THSD7B: variants seen among roughly 807,000 people sequenced by gnomAD.
The protein encoded by THSD7B is thrombospondin type 1 domain containing 7B.
In THSD7B, 138 loss-of-function variants were observed where a neutral mutation model predicts 213.6. The observed-to-expected ratio is 0.65, with a 90% confidence interval of 0.56 to 0.74. The LOEUF is 0.74. THSD7B is among the 30% of genes least tolerant of loss of function. The pLI is 0.00. For missense variants in THSD7B, 1,931 were observed against 1,991.5 expected, an observed-to-expected ratio of 0.97 and a Z score of 0.58; for synonymous variants, 742 against 687.0, an observed-to-expected ratio of 1.08 and a Z score of -1.25.
intron 15 of THSD7B, chr2:137,479,480 T>C: frequency 2.4e-6 from 1 of 413,960 alleles, no homozygotes; most frequent in South Asian, 1.7e-5. Flanking sequence ...GTCAGAATGC[T>C]CAGGTTGGAG....
intron 10 of THSD7B, among the ~76,000 whole-genome samples, chr2:137,251,973 G>A (rs1184284391): frequency 6.6e-6 from 1 of 151,998 alleles, no homozygotes; most frequent in Non-Finnish European, 1.5e-5. Flanking sequence ...GCTACATTAG[G>A]TAAAAGGGGT....
chr2:137,309,116 C>A (rs1013799649), intron 12 of THSD7B, among the ~76,000 whole-genome samples: 4 of 152,084 alleles, frequency 2.6e-5, no homozygotes, highest in African/African-American at 9.7e-5. Flanking sequence ...TCAACAATAG[C>A]ATAGGACAGT....
At chr2:137,188,765 C>A (rs929189340) in intron 7 of THSD7B, among the ~76,000 whole-genome samples, 1 of 152,164 alleles carries the variant, frequency 6.6e-6, no homozygotes, top group Non-Finnish European at 1.5e-5. Flanking sequence ...TCCTTAGGAG[C>A]AGCATCTCTT....
intron 12 of THSD7B, among the ~76,000 whole-genome samples, chr2:137,391,388 A>T (rs1901800): frequency 0.33 from 49,293 of 151,060 alleles, 9,046 homozygotes; most frequent in African/African-American, 0.5. Flanking sequence ...AATTTTTTTT[A>T]AAATCTTTTT....
chr2:137,157,981 C>T (rs887984683), intron 5 of THSD7B, among the ~76,000 whole-genome samples: 3 of 152,204 alleles, frequency 2.0e-5, no homozygotes, highest in Non-Finnish European at 2.9e-5. Flanking sequence ...TTGAAATACA[C>T]TTCTGCCTTA....
intron 2 of THSD7B, among the ~76,000 whole-genome samples, chr2:136,925,720 T>C (rs897181224): frequency 2.8e-4 from 42 of 152,314 alleles, no homozygotes; most frequent in African/African-American, 9.9e-4. Context: ...TCCAATTCTT[T>C]GGAAGAGTTT....
intron 2 of THSD7B, among the ~76,000 whole-genome samples, chr2:136,948,456 A>G (rs1275261426): frequency 1.3e-5 from 2 of 151,106 alleles, no homozygotes; most frequent in Non-Finnish European, 2.9e-5. Context: ...TATATATCAT[A>G]TAAAAGAATA....
At chr2:136,847,410 C>A (rs1413246623) in intron 1 of THSD7B, among the ~76,000 whole-genome samples, 1 of 152,096 alleles carries the variant, frequency 6.6e-6, no homozygotes, top group Non-Finnish European at 1.5e-5. Flanking sequence ...ATTACAGGCT[C>A]AGAGGGGAAA....
chr2:136,880,131 A>G (rs1683594569), intron 1 of THSD7B, among the ~76,000 whole-genome samples: 1 of 152,318 alleles, frequency 6.6e-6, no homozygotes, highest in East Asian at 1.9e-4. Flanking sequence ...AGACATCTAC[A>G]GAACTCTCCA....
chr2:137,089,625 TA>T (rs1373357195), intron 3 of THSD7B, among the ~76,000 whole-genome samples: 18 of 151,844 alleles, frequency 1.2e-4, no homozygotes, highest in Admixed American at 9.9e-4. Context: ...TGCAAAGGCA[TA>T]AGAATGACAC....
intron 21 of THSD7B, among the ~76,000 whole-genome samples, chr2:137,645,967 C>A (rs1683023776): frequency 6.6e-6 from 1 of 152,092 alleles, no homozygotes; most frequent in Admixed American, 6.5e-5. Context: ...AATAAATCTA[C>A]TATGAATTGA....
chr2:137,062,912 T>C (rs1687303955), intron 3 of THSD7B, among the ~76,000 whole-genome samples: 2 of 151,858 alleles, frequency 1.3e-5, no homozygotes, highest in Non-Finnish European at 2.9e-5. Context: ...TGTTGAGGTC[T>C]CCAAAAACAA....
chr2:137,042,698 A>G (rs1196776860), intron 2 of THSD7B, among the ~76,000 whole-genome samples: 1 of 152,204 alleles, frequency 6.6e-6, no homozygotes, highest in Non-Finnish European at 1.5e-5. Flanking sequence ...AATCCAGGAA[A>G]GGCAGGGGAC....
chr2:136,808,150 C>T (rs1682317459), intron 1 of THSD7B, among the ~76,000 whole-genome samples: 2 of 152,342 alleles, frequency 1.3e-5, no homozygotes, highest in Admixed American at 6.5e-5. Context: ...TCCAAATACT[C>T]AAGCACAGCA....
At chr2:137,386,805 A>G (rs1685906581) in intron 12 of THSD7B, among the ~76,000 whole-genome samples, 1 of 152,200 alleles carries the variant, frequency 6.6e-6, no homozygotes, top group African/African-American at 2.4e-5. Flanking sequence ...CCATTTAGTA[A>G]TAGTTAATAA....
intron 2 of THSD7B, among the ~76,000 whole-genome samples, chr2:136,933,606 T>C (rs1196025979): frequency 4.6e-5 from 7 of 151,856 alleles, no homozygotes; most frequent in Non-Finnish European, 1.5e-5. Context: ...AAAAGAAAAT[T>C]CTTAGTTTGT....
At chr2:137,553,074 C>T (rs10496777) in intron 15 of THSD7B, among the ~76,000 whole-genome samples, 11,066 of 152,180 alleles carry the variant, frequency 0.073, 449 homozygotes, top group African/African-American at 0.086. Flanking sequence ...TTCCTAGAGA[C>T]CATTTCCCCT....
chr2:137,618,611 A>C, intron 19 of THSD7B, 104 bp downstream of exon 19: 20 of 1,030,180 alleles, frequency 1.9e-5, no homozygotes, highest in Non-Finnish European at 2.7e-5. Context: ...ATTTCTTCTC[A>C]TCTCAGCTTA....
intron 15 of THSD7B, among the ~76,000 whole-genome samples, chr2:137,486,213 G>A (rs1688439594): frequency 6.6e-6 from 1 of 152,092 alleles, no homozygotes; most frequent in African/African-American, 2.4e-5. Flanking sequence ...ATTGGATAAA[G>A]TGTCAAGACC....
Sources: gnomAD v4.1 joint callset for allele counts (sites outside exome capture counted in the v4.1 genomes callset) on GRCh38, gnomAD v4.1.1 for gene constraint, MANE v1.5 for transcripts, NCBI Gene and HGNC (gene_info 2026-07-23, HGNC 2026-07-21) for gene names.